Variants in RIC8B observed in about 807,000 individuals in gnomAD.
The protein encoded by RIC8B is chaperone Ric-8B.
Under a neutral mutation model 57.5 loss-of-function variants are expected in RIC8B, and 16 were observed. The observed-to-expected ratio is 0.28, with a 90% CI of 0.19 to 0.42. RIC8B has a LOEUF of 0.42. Among genes scored for constraint, RIC8B ranks in the 10% least tolerant of loss-of-function variants. The pLI is 1.00. For missense variants in RIC8B, 481 were observed against 677.0 expected, an observed-to-expected ratio of 0.71 and a Z score of 3.21; for synonymous variants, 216 against 250.8, an observed-to-expected ratio of 0.86 and a Z score of 1.31.
chr12:106,817,619 A>T (rs1267033411), intron 3 of RIC8B, among the ~76,000 whole-genome samples: 1 of 152,008 alleles, frequency 6.6e-6, no homozygotes, highest in Non-Finnish European at 1.5e-5. Flanking sequence ...GGAGATCAGG[A>T]CCATCCTGGC....
intron 3 of RIC8B, among the ~76,000 whole-genome samples, 153 bp downstream of exon 3, chr12:106,815,457 A>G (rs968727878): frequency 1.3e-5 from 2 of 152,214 alleles, no homozygotes; most frequent in Non-Finnish European, 2.9e-5. Flanking sequence ...ATACTTCTTA[A>G]CCATTGTAAG....
chr12:106,775,268 C>T (rs960516789), intron 1 of RIC8B: 3 of 454,486 alleles, frequency 6.6e-6, no homozygotes, highest in African/African-American at 6.0e-5. Flanking sequence ...ATACGTTTAG[C>T]ACTGTACGGT....
chr12:106,815,343 A>T (rs775862449), intron 3 of RIC8B, 39 bp downstream of exon 3: 2 of 1,552,296 alleles, frequency 1.3e-6, no homozygotes, highest in Non-Finnish European at 1.7e-6. Flanking sequence ...CCTGGAATTT[A>T]ATTGGTCTGG....
At chr12:106,795,133 A>G (rs77271731) in intron 2 of RIC8B, among the ~76,000 whole-genome samples, 18,715 of 152,214 alleles carry the variant, frequency 0.12, 1,297 homozygotes, top group Middle Eastern at 0.16. Flanking sequence ...CTATAAATGT[A>G]TACTTGTTCT....
chr12:106,881,812 G>A (rs143786541), intron 9 of RIC8B, among the ~76,000 whole-genome samples: 106 of 152,252 alleles, frequency 7.0e-4, no homozygotes, highest in African/African-American at 2.3e-3. Context: ...GATGAGAAAA[G>A]TTAGGATGGG....
intron 8 of RIC8B, among the ~76,000 whole-genome samples, chr12:106,864,910 A>G (rs1950078898): frequency 6.6e-6 from 1 of 152,096 alleles, no homozygotes; most frequent in South Asian, 2.1e-4. Flanking sequence ...AATCATATAC[A>G]ATATTTCTCC....
chr12:106,815,937 ATCTT>A (rs1419133837), intron 3 of RIC8B, among the ~76,000 whole-genome samples: 2 of 152,212 alleles, frequency 1.3e-5, no homozygotes, highest in Non-Finnish European at 2.9e-5. Context: ...CTAAACAAAG[ATCTT>A]TCTTCACTGT....
At chr12:106,834,445 C>G (rs1423347499) in intron 4 of RIC8B, among the ~76,000 whole-genome samples, 1 of 152,014 alleles carries the variant, frequency 6.6e-6, no homozygotes, top group Non-Finnish European at 1.5e-5. Flanking sequence ...GTAATATGAC[C>G]AATGAAGAAA....
At chr12:106,785,339 C>G (rs953484875) in intron 2 of RIC8B, among the ~76,000 whole-genome samples, 2 of 152,176 alleles carry the variant, frequency 1.3e-5, no homozygotes, top group Non-Finnish European at 2.9e-5. Context: ...CCTGGTGAAT[C>G]CCTACTCACC....
intron 7 of RIC8B, among the ~76,000 whole-genome samples, chr12:106,853,906 C>T (rs563732111): frequency 3.2e-4 from 49 of 152,170 alleles, no homozygotes; most frequent in Middle Eastern, 3.4e-3. Flanking sequence ...GTGTTTCTGC[C>T]CATGTATTAC....
At chr12:106,801,376 G>T (rs1445857787) in intron 2 of RIC8B, among the ~76,000 whole-genome samples, 1 of 152,148 alleles carries the variant, frequency 6.6e-6, no homozygotes, top group Non-Finnish European at 1.5e-5. Context: ...AAAAAAGTTT[G>T]AGCCAAACTT....
rs1951308415 is a variant in RIC8B at position 106,889,202 on chromosome 12, T to C, written c.*3187T>C. 1 of 152,222 alleles carries C rather than the reference T, an allele frequency of 6.6e-6. No individual in the cohort carries two copies. The highest frequency in any genetic ancestry group is 2.1e-4 in the South Asian group (1 of 4,832). The allele number at this position is 152,222 out of a possible 1,614,324, so 9.4% of individuals were successfully genotyped here. A position where few individuals can be genotyped will look rare whatever the true frequency, so the allele number is the denominator to read the frequency against. Reference sequence around the variant, plus strand: ...CCTTCCTGTATTTTTTCTATGCATATATAATTTATTTTACTACAAGATTGG... The same window carrying C: ...CCTTCCTGTATTTTTTCTATGCATACATAATTTATTTTACTACAAGATTGG... On this transcript the variant is annotated 3_prime_UTR_variant, in exon 10 of 10. Transcript: ENST00000392837.
chr12:106,816,313 A>C (rs1162547530), intron 3 of RIC8B, among the ~76,000 whole-genome samples: 1 of 152,194 alleles, frequency 6.6e-6, no homozygotes, highest in Admixed American at 6.5e-5. Flanking sequence ...ATCTCAGTGC[A>C]TTGTTATAGG....
intron 6 of RIC8B, among the ~76,000 whole-genome samples, chr12:106,845,594 T>A (rs1280992195): frequency 6.6e-6 from 1 of 152,206 alleles, no homozygotes; most frequent in Non-Finnish European, 1.5e-5. Context: ...TCTCTTCTTA[T>A]ATTAATCATT....
chr12:106,805,758 C>G lies in RIC8B; in HGVS notation c.133-8938C>G, dbSNP rs376071522. Among the ~76,000 whole-genome samples the G allele has an allele frequency of 1.6e-4, 25 of 152,258 alleles. No individual in the cohort carries two copies. In the East Asian group the frequency reaches 4.8e-3, roughly 29 times the overall value. ...CTGGATTAATTCCAGACTCTTCATT[C>G]TTCTCATATAAACGTGGACTAGTAT... On this transcript the variant is annotated intron_variant, in intron 2 of 9. Coordinates refer to ENST00000392837, the MANE Select transcript of RIC8B (RefSeq NM_001330145.2).
chr12:106,827,017 A>G (rs1372263841), intron 4 of RIC8B, among the ~76,000 whole-genome samples: 1 of 152,120 alleles, frequency 6.6e-6, no homozygotes, highest in Non-Finnish European at 1.5e-5. Flanking sequence ...GAAGGTTGCC[A>G]TGAGCCGAAA....
chr12:106,881,161 T>C (rs1464377960), intron 9 of RIC8B, among the ~76,000 whole-genome samples: 1 of 152,102 alleles, frequency 6.6e-6, no homozygotes, highest in African/African-American at 2.4e-5. Context: ...AGCAGTAGTA[T>C]TTCATAGCTC....
At chr12:106,860,209 TTGA>T in intron 7 of RIC8B, 56 bp from the exon 8 acceptor site, 3 of 1,390,556 alleles carry the variant, frequency 2.2e-6, no homozygotes, top group South Asian at 1.6e-5. Flanking sequence ...TGGTGAGTGG[TTGA>T]TGATGATGGT....
At chr12:106,784,659 G>T (rs2043921790) in intron 2 of RIC8B, among the ~76,000 whole-genome samples, 1 of 152,184 alleles carries the variant, frequency 6.6e-6, no homozygotes, top group African/African-American at 2.4e-5. Context: ...TACCATGCCT[G>T]GCCCTGCCTT....
Sources: gnomAD v4.1 joint callset for allele counts (sites outside exome capture counted in the v4.1 genomes callset) on GRCh38, gnomAD v4.1.1 for gene constraint, MANE v1.5 for transcripts, NCBI Gene and HGNC (gene_info 2026-07-23, HGNC 2026-07-21) for gene names.